XPO7: variants seen among roughly 807,000 people sequenced by gnomAD.
XPO7 encodes exportin-7.
A neutral mutation model predicts 144.3 loss-of-function variants in XPO7; 21 were observed. That is an observed-to-expected ratio of 0.15 (90% CI 0.10 to 0.21). The LOEUF is 0.21. Among genes scored for constraint, XPO7 ranks in the 10% least tolerant of loss-of-function variants. XPO7 has a pLI of 1.00. For missense variants in XPO7, 808 were observed against 1,325.8 expected, an observed-to-expected ratio of 0.61 and a Z score of 6.06; for synonymous variants, 580 against 499.6, an observed-to-expected ratio of 1.16 and a Z score of -2.15.
At chr8:21,980,462 T>C (rs1003690669) in intron 9 of XPO7, among the ~76,000 whole-genome samples, 18 of 152,200 alleles carry the variant, frequency 1.2e-4, no homozygotes, top group African/African-American at 4.3e-4. Flanking sequence ...TAGTCATTTT[T>C]CCCCCCAAGA....
At position 21,999,233 on chromosome 8, in the gene XPO7, A is replaced by T. The variant is rs760976761; in HGVS notation, c.2571A>T (p.Gly857=). The T allele has an allele frequency of 1.2e-6, 2 of 1,613,800 alleles. No individual in the cohort carries two copies. Among genetic ancestry groups the T allele is most frequent in the Non-Finnish European group, 8.5e-7 (1 of 1,179,856 alleles). ...ATTTCGGAGTCTTTCGTCTCTATGG[A>T]GACGATGCCCTGGACAATGCTCTGC... ...YVNFGVFRLY[G]DDALDNALQT... The change falls in exon 23 of 28, where the codon GGA becomes GGT. Residue 857 remains glycine (G), a synonymous_variant. Transcript: ENST00000252512.
At chr8:21,948,291 G>A (rs968123539) in intron 1 of XPO7, among the ~76,000 whole-genome samples, 4 of 152,170 alleles carry the variant, frequency 2.6e-5, no homozygotes, top group African/African-American at 9.7e-5. Context: ...AGCCATCATA[G>A]CACAACATAT....
intron 1 of XPO7, among the ~76,000 whole-genome samples, chr8:21,923,704 A>G (rs1028268851): frequency 6.6e-6 from 1 of 151,718 alleles, no homozygotes; most frequent in African/African-American, 2.4e-5. Flanking sequence ...TCCCTGTTCT[A>G]TATCTTACAG....
At chr8:22,004,950 TC>T (rs751629921) in intron 27 of XPO7, 44 bp from the exon 28 acceptor site, 15 of 901,296 alleles carry the variant, frequency 1.7e-5, no homozygotes, top group African/African-American at 7.3e-5. Context: ...CAAATACCTT[TC>T]CCCCCCACTC....
At chr8:21,920,049 C>T (rs1810218274) in intron 1 of XPO7, among the ~76,000 whole-genome samples, 1 of 151,690 alleles carries the variant, frequency 6.6e-6, no homozygotes, top group South Asian at 2.1e-4. Context: ...TCCCGGCGCG[C>T]GCAGCCCACA....
chr8:22,003,020 A>G (rs1225373393), intron 25 of XPO7, 199 bp from the exon 26 acceptor site: 6 of 422,888 alleles, frequency 1.4e-5, no homozygotes, highest in Non-Finnish European at 2.5e-5. Flanking sequence ...TTTTAAGAAC[A>G]AGAAAGGAAA....
intron 24 of XPO7, 149 bp downstream of exon 24, chr8:21,999,823 A>G: frequency 3.9e-6 from 4 of 1,018,436 alleles, no homozygotes; most frequent in East Asian, 2.6e-5. Flanking sequence ...TGCACAGCAC[A>G]TGCTTATCCA....
Position 21,970,295 on chromosome 8 carries a change from C to A in XPO7, c.411C>A (p.Val137=). The change falls in exon 4 of 28, where the codon GTC becomes GTA. Residue 137 remains valine, a synonymous_variant. Coordinates refer to ENST00000252512, the MANE Select transcript of XPO7 (RefSeq NM_015024.5). The part of the protein sequence containing the change: ...DYVFRNAITD[V]TRFLQDSVEY... ...TCTTCAGAAATGCAATCACAGACGTCACAAGGTTTTTACAGGTACAGTGTA... is the reference window on the plus strand; with the variant it reads ...TCTTCAGAAATGCAATCACAGACGTAACAAGGTTTTTACAGGTACAGTGTA... 6.2e-7 allele frequency: 1 copy of A among 1,613,360 alleles called. No individual in the cohort carries two copies. Among genetic ancestry groups the A allele is most frequent in the Non-Finnish European group, 8.5e-7 (1 of 1,179,708 alleles).
rs763028805 is a variant in XPO7, at chr8:21,999,079, A to G, written c.2429-12A>G. 3.1e-6 allele frequency: 5 copies of G among 1,613,714 alleles called. No homozygotes were observed. In the African/African-American group the frequency reaches 4.0e-5, roughly 13 times the overall value. Reference sequence around the variant, plus strand: ...ATGTGGTTGAATAAACATATATGACATGTCTACTCAGGCAATCGCATCCTG... The same window carrying G: ...ATGTGGTTGAATAAACATATATGACGTGTCTACTCAGGCAATCGCATCCTG... On this transcript the variant is annotated splice_polypyrimidine_tract_variant and intron_variant, in intron 22 of 27. Coordinates refer to ENST00000252512, the MANE Select transcript of XPO7 (RefSeq NM_015024.5).
At chr8:22,000,553 T>C (rs1585485516) in intron 24 of XPO7, among the ~76,000 whole-genome samples, 2 of 150,806 alleles carry the variant, frequency 1.3e-5, no homozygotes, top group East Asian at 3.9e-4. Context: ...CCCGGGTTCA[T>C]GCCATTCTTC....
At chr8:21,936,476 T>G (rs1810826225) in intron 1 of XPO7, among the ~76,000 whole-genome samples, 1 of 152,238 alleles carries the variant, frequency 6.6e-6, no homozygotes, top group South Asian at 2.1e-4. Flanking sequence ...TGATACATAC[T>G]CTAAAGATAG....
intron 1 of XPO7, among the ~76,000 whole-genome samples, chr8:21,960,051 G>C (rs1415080785): frequency 2.0e-5 from 3 of 152,188 alleles, no homozygotes; most frequent in Non-Finnish European, 4.4e-5. Flanking sequence ...CCACTGATAG[G>C]AGACAGAATT....
chr8:21,984,679 G>C lies in XPO7; in HGVS notation c.1311G>C (p.Gly437=), dbSNP rs1812519507. ...DGLEDPLEDT[G]LVQQQLDQLS... Reference sequence around the variant, plus strand: ...TGGAAGATCCCCTGGAGGATACGGGGCTGGTCCAGCAGCAGTTGGACCAGC... The same window carrying C: ...TGGAAGATCCCCTGGAGGATACGGGCCTGGTCCAGCAGCAGTTGGACCAGC... The change falls in exon 12 of 28, where the codon GGG becomes GGC. Residue 437 remains glycine (G), a synonymous_variant. Coordinates refer to ENST00000252512, the MANE Select transcript of XPO7 (RefSeq NM_015024.5). 1.9e-6 allele frequency: 3 copies of C among 1,613,670 alleles called. No homozygotes were observed. The highest frequency in any genetic ancestry group is 2.5e-6 in the Non-Finnish European group (3 of 1,179,790).
intron 27 of XPO7, among the ~76,000 whole-genome samples, 173 bp from the exon 28 acceptor site, chr8:22,004,822 G>C (rs1227680574): frequency 1.3e-5 from 2 of 149,932 alleles, no homozygotes; most frequent in Non-Finnish European, 3.0e-5. Context: ...GATTTGACCA[G>C]ATCTCTAAGC....
At chr8:21,922,196 T>C (rs895082532) in intron 1 of XPO7, among the ~76,000 whole-genome samples, 1 of 152,168 alleles carries the variant, frequency 6.6e-6, no homozygotes, top group African/African-American at 2.4e-5. Context: ...GTGAGCAGTT[T>C]TTTCATAATT....
chr8:21,961,943 A>C (rs1363285601), intron 1 of XPO7, among the ~76,000 whole-genome samples: 1 of 152,220 alleles, frequency 6.6e-6, no homozygotes, highest in Non-Finnish European at 1.5e-5. Flanking sequence ...GATTACAGGC[A>C]TGAGCCACCA....
intron 8 of XPO7, among the ~76,000 whole-genome samples, chr8:21,979,047 A>G (rs1812317199): frequency 6.6e-6 from 1 of 152,204 alleles, no homozygotes; most frequent in African/African-American, 2.4e-5. Context: ...AAATGTCTTC[A>G]GGGATAAAGC....
intron 1 of XPO7, among the ~76,000 whole-genome samples, chr8:21,934,521 G>A (rs965333466): frequency 7.3e-5 from 11 of 151,074 alleles, no homozygotes; most frequent in East Asian, 3.9e-4. Context: ...CAACAAGAGC[G>A]AAACTCCGTC....
At chr8:21,981,931 G>C in intron 10 of XPO7, 54 bp downstream of exon 10, 1 of 1,601,712 alleles carries the variant, frequency 6.2e-7, no homozygotes, top group Non-Finnish European at 8.5e-7. Context: ...TCTCTTGCTT[G>C]TTGGTTTTAA....
Sources: allele counts gnomAD v4.1 joint callset (sites outside exome capture counted in the v4.1 genomes callset), GRCh38; gene constraint gnomAD v4.1.1; transcripts MANE v1.5; gene names NCBI Gene and HGNC (gene_info 2026-07-23, HGNC 2026-07-21).